The following ROCK1 variants were observed in gnomAD, a reference collection of about 807,000 sequenced individuals.
ROCK1 encodes Rho associated coiled-coil containing protein kinase 1.
In ROCK1, 36 loss-of-function variants were observed where a neutral mutation model predicts 196.8. The observed-to-expected ratio is 0.18, with a 90% CI of 0.14 to 0.24. ROCK1 has a LOEUF of 0.24. Among genes scored for constraint, ROCK1 ranks in the 10% least tolerant of loss-of-function variants. The probability of loss-of-function intolerance (pLI) is 1.00; values close to 1 mark genes in which losing one functional copy is unlikely to be tolerated. For synonymous variants in ROCK1, 443 were observed against 515.9 expected, an observed-to-expected ratio of 0.86 and a Z score of 1.91; for missense variants, 920 against 1,562.0, an observed-to-expected ratio of 0.59 and a Z score of 6.93.
intron 4 of ROCK1, among the ~76,000 whole-genome samples, chr18:21,046,530 AG>A (rs2036160754): frequency 6.6e-6 from 1 of 152,230 alleles, no homozygotes; most frequent in African/African-American, 2.4e-5. Context: ...AGTCAGGAGG[AG>A]GAGCAGTAAT....
intron 2 of ROCK1, among the ~76,000 whole-genome samples, chr18:21,058,487 C>T (rs1025613014): frequency 4.6e-5 from 7 of 151,974 alleles, no homozygotes; most frequent in African/African-American, 1.7e-4. Context: ...CTAAAAAAGC[C>T]CAGTATACAT....
chr18:20,967,109 A>G, intron 26 of ROCK1, 33 bp from the exon 27 acceptor site: 1 of 1,435,408 alleles, frequency 7.0e-7, no homozygotes, highest in Non-Finnish European at 9.7e-7. Flanking sequence ...TAATATAATC[A>G]AGCTAAAACA....
At chr18:20,964,847 G>A (rs1280924894) in intron 27 of ROCK1, among the ~76,000 whole-genome samples, 2 of 152,128 alleles carry the variant, frequency 1.3e-5, no homozygotes, top group Admixed American at 1.3e-4. Context: ...CCAGCTGATG[G>A]CACTATGAGC....
intron 1 of ROCK1, among the ~76,000 whole-genome samples, chr18:21,077,411 TAAGGCAAG>T (rs1442130548): frequency 5.3e-5 from 8 of 152,088 alleles, no homozygotes; most frequent in Non-Finnish European, 1.2e-4. Context: ...CCTGAAGGAC[TAAGGCAAG>T]AACCTAAACT....
At chr18:21,070,713 C>T in intron 1 of ROCK1, 100 bp from the exon 2 acceptor site, 1 of 691,174 alleles carries the variant, frequency 1.4e-6, no homozygotes, top group Non-Finnish European at 2.3e-6. Flanking sequence ...TTAATTTCCC[C>T]TAACACATCT....
At chr18:21,061,105 G>A (rs569091322) in intron 2 of ROCK1, among the ~76,000 whole-genome samples, 1 of 149,790 alleles carries the variant, frequency 6.7e-6, no homozygotes, top group Non-Finnish European at 1.5e-5. Context: ...TCAAGGCAGA[G>A]TCTTGCTCTG....
At chr18:21,091,788 T>C (rs1406356435) in intron 1 of ROCK1, among the ~76,000 whole-genome samples, 1 of 152,054 alleles carries the variant, frequency 6.6e-6, no homozygotes, top group Non-Finnish European at 1.5e-5. Context: ...CTGGCCTACG[T>C]GGTGAAACCC....
intron 22 of ROCK1, among the ~76,000 whole-genome samples, chr18:20,971,305 T>TAC (rs374530206): frequency 0.35 from 48,264 of 136,588 alleles, 8,530 homozygotes; most frequent in Non-Finnish European, 0.42. Flanking sequence ...ATAGTAAACA[T>TAC]ACACACACAC....
At chr18:21,027,730 A>C (rs1455842922) in intron 10 of ROCK1, among the ~76,000 whole-genome samples, 1 of 146,156 alleles carries the variant, frequency 6.8e-6, no homozygotes, top group Non-Finnish European at 1.5e-5. Context: ...ACATGGTAAA[A>C]TTTGGGGAGG....
chr18:21,048,635 G>C (rs762672841), intron 4 of ROCK1, among the ~76,000 whole-genome samples: 1 of 151,790 alleles, frequency 6.6e-6, no homozygotes, highest in African/African-American at 2.4e-5. Context: ...CTATAGCCTC[G>C]ACCTCCTGGA....
chr18:21,103,082 T>G (rs1190815414), intron 1 of ROCK1, among the ~76,000 whole-genome samples: 2 of 152,100 alleles, frequency 1.3e-5, no homozygotes, highest in Non-Finnish European at 2.9e-5. Flanking sequence ...GGAACTGTAA[T>G]AAAAATACAC....
At chr18:21,094,949 C>G (rs539199082) in intron 1 of ROCK1, among the ~76,000 whole-genome samples, 14 of 149,856 alleles carry the variant, frequency 9.3e-5, no homozygotes, top group African/African-American at 3.2e-4. Context: ...ACTCGGGAAG[C>G]TGAAGCAGGA....
chr18:20,963,956 G>C (rs989409376), intron 27 of ROCK1, among the ~76,000 whole-genome samples: 2 of 151,994 alleles, frequency 1.3e-5, no homozygotes, highest in African/African-American at 2.4e-5. Context: ...TTAGAATTGG[G>C]AATTTTAGAA....
intron 27 of ROCK1, among the ~76,000 whole-genome samples, chr18:20,962,637 G>A (rs1253581945): frequency 6.6e-6 from 1 of 151,866 alleles, no homozygotes; most frequent in African/African-American, 2.4e-5. Context: ...ATATATCAAG[G>A]GAATCTTATG....
intron 10 of ROCK1, among the ~76,000 whole-genome samples, chr18:21,023,984 T>C (rs1408929221): frequency 6.6e-6 from 1 of 152,182 alleles, no homozygotes; most frequent in Non-Finnish European, 1.5e-5. Context: ...TCAAGTTAGT[T>C]CAGATTAGGC....
chr18:20,951,548 T>C (rs1001174537), intron 32 of ROCK1, among the ~76,000 whole-genome samples, 161 bp from the exon 33 acceptor site: 1 of 152,226 alleles, frequency 6.6e-6, no homozygotes, highest in African/African-American at 2.4e-5. Flanking sequence ...ATATACTTAG[T>C]ATTCTCTCCT....
chr18:20,957,997 G>C (rs1359818534), intron 29 of ROCK1, among the ~76,000 whole-genome samples: 1 of 151,946 alleles, frequency 6.6e-6, no homozygotes, highest in Non-Finnish European at 1.5e-5. Context: ...TGTATTGAGT[G>C]ATTATATGAA....
At chr18:21,056,060 T>A (rs2036242625) in intron 2 of ROCK1, among the ~76,000 whole-genome samples, 1 of 152,162 alleles carries the variant, frequency 6.6e-6, no homozygotes, top group Non-Finnish European at 1.5e-5. Flanking sequence ...TTTTCAACCT[T>A]AGTAGTTTTC....
At chr18:21,104,962 G>C (rs2036691466) in intron 1 of ROCK1, among the ~76,000 whole-genome samples, 1 of 152,094 alleles carries the variant, frequency 6.6e-6, no homozygotes, top group African/African-American at 2.4e-5. Flanking sequence ...ATTTATGAGC[G>C]GCTTGAGGTG....
Sources: gnomAD v4.1 joint callset for allele counts (sites outside exome capture counted in the v4.1 genomes callset) on GRCh38, gnomAD v4.1.1 for gene constraint, MANE v1.5 for transcripts, NCBI Gene and HGNC (gene_info 2026-07-23, HGNC 2026-07-21) for gene names.